IKZF1: variants seen among roughly 807,000 people sequenced by gnomAD.
IKZF1 encodes DNA-binding protein Ikaros.
In IKZF1, 10 loss-of-function variants were observed where a neutral mutation model predicts 51.7. The ratio of observed to expected loss-of-function variants is 0.19; its 90% CI spans 0.12 to 0.33. The LOEUF (loss-of-function observed/expected upper bound fraction) is 0.33. Ranked by LOEUF, IKZF1 falls within the 10% of genes least tolerant of loss-of-function variation. The pLI is 1.00. For synonymous variants in IKZF1, 280 were observed against 282.3 expected, an observed-to-expected ratio of 0.99 and a Z score of 0.08; for missense variants, 484 against 707.5, an observed-to-expected ratio of 0.68 and a Z score of 3.58.
chr7:50,399,925 G>C lies in IKZF1; in HGVS notation c.858G>C (p.Lys286Asn). The stretch of plus-strand genomic sequence containing the variant: ...GTCGCCTGCTTTCCACAGGGGACAA[G>C]GGCCTGTCCGACACGCCCTACGACA... ...SSMPQKFLGDKGLSDTPYDSS... is the reference protein window; with the variant it reads ...SSMPQKFLGDNGLSDTPYDSS... Residue 286 changes from lysine (K) to asparagine (N), a missense_variant, in exon 8 of 8, where the codon AAG (lysine) becomes AAC (asparagine). Physicochemically the swap from Lys to Asn is moderately conservative, Grantham distance 94. Coordinates refer to ENST00000331340, the MANE Select transcript of IKZF1 (RefSeq NM_006060.6). 1 of 1,611,996 alleles carries C rather than the reference G, an allele frequency of 6.2e-7. No homozygotes were observed. The highest frequency in any genetic ancestry group is 8.5e-7 in the Non-Finnish European group (1 of 1,179,380).
At chr7:50,339,785 T>C (rs1286726236) in intron 3 of IKZF1, among the ~76,000 whole-genome samples, 3 of 151,860 alleles carry the variant, frequency 2.0e-5, no homozygotes, top group African/African-American at 7.3e-5. Flanking sequence ...AAGGATTCTG[T>C]GTCTTATTTA....
rs1383292340 is a variant in IKZF1, at chr7:50,404,350, G to T, written c.*3723G>T. On this transcript the variant is annotated 3_prime_UTR_variant, in exon 8 of 8. Coordinates refer to ENST00000331340, the MANE Select transcript of IKZF1 (RefSeq NM_006060.6). ...TGCTGTTTAGCTGTGAACAAGGGAT[G>T]TACCACTGGAGGAATAGAGTATCCT... The T allele has an allele frequency of 1.3e-5, 3 of 225,208 alleles. No individual in the cohort carries two copies. Among genetic ancestry groups the T allele is most frequent in the Non-Finnish European group, 1.8e-5 (2 of 112,768 alleles). 14.0% of individuals were successfully genotyped at this position (225,208 alleles called of 1,614,324 possible). A position where few individuals can be genotyped will look rare whatever the true frequency, so the allele number is the denominator to read the frequency against.
chr7:50,370,337 T>A (rs745668354), intron 3 of IKZF1, among the ~76,000 whole-genome samples: 1 of 152,242 alleles, frequency 6.6e-6, no homozygotes, highest in Non-Finnish European at 1.5e-5. Flanking sequence ...ACTAACAGTG[T>A]ACATTATACC....
intron 3 of IKZF1, among the ~76,000 whole-genome samples, chr7:50,375,985 G>A (rs1810174852): frequency 6.6e-6 from 1 of 152,210 alleles, no homozygotes; most frequent in African/African-American, 2.4e-5. Context: ...TATGTTTACT[G>A]AGTTTTGTCC....
intron 4 of IKZF1, among the ~76,000 whole-genome samples, chr7:50,380,758 T>C (rs145528745): frequency 1.3e-3 from 201 of 152,384 alleles, no homozygotes; most frequent in Non-Finnish European, 2.3e-3. Flanking sequence ...CACACATTTA[T>C]GCACAAGTGC....
intron 1 of IKZF1, among the ~76,000 whole-genome samples, chr7:50,318,776 G>C (rs1390081249): frequency 6.6e-6 from 1 of 152,104 alleles, no homozygotes; most frequent in Non-Finnish European, 1.5e-5. Flanking sequence ...TTTGCATTTT[G>C]GGTTATTATG....
At chr7:50,327,460 T>A in intron 2 of IKZF1, 178 bp from the exon 3 acceptor site, 1 of 581,276 alleles carries the variant, frequency 1.7e-6, no homozygotes, top group Admixed American at 3.6e-5. Flanking sequence ...TCATTTGTAT[T>A]GTGTGGGGAG....
In IKZF1 at chr7:50,327,610, G is replaced by A. The variant is rs535641408; in HGVS notation, c.41-28G>A. The A allele has an allele frequency of 3.1e-4, 493 of 1,587,136 alleles. 3 individuals are homozygous for A. In the South Asian group the frequency reaches 5.1e-3, roughly 16 times the overall value. ...CCAGGCACCTTGACCATGACCGCCC[G>A]AGACTCACACTTCTTCTTTCTCATC... is the stretch of plus-strand genomic sequence containing the variant. On this transcript the variant is annotated intron_variant, in intron 2 of 7. Transcript: ENST00000331340.
chr7:50,371,953 T>A (rs1808808403), intron 3 of IKZF1, among the ~76,000 whole-genome samples: 2 of 152,228 alleles, frequency 1.3e-5, no homozygotes, highest in African/African-American at 2.4e-5. Context: ...TTTTTCACAC[T>A]TACATGGGAA....
chr7:50,321,600 T>C (rs190431104), intron 2 of IKZF1, among the ~76,000 whole-genome samples: 26 of 152,320 alleles, frequency 1.7e-4, no homozygotes, highest in Non-Finnish European at 1.8e-4. Context: ...TTTTGCATGG[T>C]GCATTTAAAG....
At chr7:50,341,413 G>A in intron 3 of IKZF1, among the ~76,000 whole-genome samples, 1 of 152,280 alleles carries the variant, frequency 6.6e-6, no homozygotes, top group East Asian at 1.9e-4. Flanking sequence ...AAAGTGCTGG[G>A]ATTACAGATG....
chr7:50,354,478 C>T (rs1308360800), intron 3 of IKZF1, among the ~76,000 whole-genome samples: 1 of 152,158 alleles, frequency 6.6e-6, no homozygotes, highest in Non-Finnish European at 1.5e-5. Flanking sequence ...TGGGTGCCCC[C>T]GTTATTGAAC....
intron 7 of IKZF1, among the ~76,000 whole-genome samples, chr7:50,397,861 GT>G (rs953867516): frequency 4.6e-5 from 7 of 151,958 alleles, no homozygotes; most frequent in South Asian, 2.1e-4. Context: ...CCATGCACAA[GT>G]TTTTTTTCTC....
intron 6 of IKZF1, among the ~76,000 whole-genome samples, chr7:50,389,718 G>A (rs1003596948): frequency 6.6e-6 from 1 of 152,210 alleles, no homozygotes; most frequent in Non-Finnish European, 1.5e-5. Flanking sequence ...GGAGTATTAA[G>A]GGGATCCATA....
intron 3 of IKZF1, among the ~76,000 whole-genome samples, chr7:50,329,397 G>A (rs1795920437): frequency 6.6e-6 from 1 of 152,144 alleles, no homozygotes; most frequent in African/African-American, 2.4e-5. Flanking sequence ...TTCCAAAGTT[G>A]GGATGCAAAG....
At chr7:50,355,902 C>A (rs1024023835) in intron 3 of IKZF1, among the ~76,000 whole-genome samples, 2 of 152,242 alleles carry the variant, frequency 1.3e-5, no homozygotes, top group Admixed American at 6.5e-5. Flanking sequence ...TGCCACATGC[C>A]TGTGAAAATG....
rs138075277 is a variant in IKZF1, at chr7:50,392,382, C to T, written c.850+519C>T. ...GATTGCTGTTTTGCCTAATGCTCTG[C>T]GGGATTAAAAAAAAAGAAGAAGAAG... On this transcript the variant is annotated intron_variant, in intron 7 of 7. Coordinates refer to ENST00000331340, the MANE Select transcript of IKZF1 (RefSeq NM_006060.6). Among the ~76,000 whole-genome samples, 233 of 151,608 alleles carry T rather than the reference C, an allele frequency of 1.5e-3. 2 individuals are homozygous for T. Among genetic ancestry groups the T allele is most frequent in the African/African-American group, 5.5e-3 (228 of 41,224 alleles).
chr7:50,400,057 G>A lies in IKZF1; in HGVS notation c.990G>A (p.Leu330=), dbSNP rs755130382. 1.2e-6 allele frequency: 2 copies of A among 1,605,254 alleles called. No individual in the cohort carries two copies. The highest frequency in any genetic ancestry group is 1.7e-5 in the Admixed American group (1 of 58,702). Residue 330 remains leucine, a synonymous_variant, in exon 8 of 8, where the codon CTG becomes CTA. Coordinates refer to ENST00000331340, the MANE Select transcript of IKZF1 (RefSeq NM_006060.6). The surrounding 1 kb of genome is among the most constrained non-coding windows in gnomAD (Gnocchi z 5.4). ...TGGGGGCCGAGTCCCTGCGCCCGCTGGTGCAGACGCCCCCGGGCGGTTCCG... is the reference window on the plus strand; with the variant it reads ...TGGGGGCCGAGTCCCTGCGCCCGCTAGTGCAGACGCCCCCGGGCGGTTCCG... The part of the protein sequence containing the change: ...NYLGAESLRP[L]VQTPPGGSEV...
At position 50,401,729 on chromosome 7, in the gene IKZF1, T is replaced by C. The variant is rs1245455263; in HGVS notation, c.*1102T>C. 3 of 217,928 alleles carry C rather than the reference T, an allele frequency of 1.4e-5. No homozygotes were observed. Among genetic ancestry groups the C allele is most frequent in the African/African-American group, 6.8e-5 (3 of 44,426 alleles). The allele number at this position is 217,928 out of a possible 1,614,324, so 13.5% of individuals were successfully genotyped here. A position where few individuals can be genotyped will look rare whatever the true frequency, so the allele number is the denominator to read the frequency against. On this transcript the variant is annotated 3_prime_UTR_variant, in exon 8 of 8. Transcript: ENST00000331340. ...TAAGTTTCTTTACCTACCCTCACTA[T>C]ATATTATTCTCGTTTTAAAACCCAT...
Sources: gnomAD v4.1 joint callset for allele counts (sites outside exome capture counted in the v4.1 genomes callset) on GRCh38, gnomAD v4.1.1 for gene constraint, Gnocchi (gnomAD v3.1) non-coding constraint, MANE v1.5 for transcripts, NCBI Gene and HGNC (gene_info 2026-07-23, HGNC 2026-07-21) for gene names.